PSD3: variants seen among roughly 807,000 people sequenced by gnomAD.
PSD3 encodes the protein PH and SEC7 domain-containing protein 3.
PSD3 carries 49 observed loss-of-function variants against 105.5 expected under a neutral mutation model. The observed-to-expected ratio is 0.46, with a 90% CI of 0.37 to 0.59. The LOEUF (loss-of-function observed/expected upper bound fraction) is 0.59. PSD3 is among the 20% of genes least tolerant of loss of function. The probability of loss-of-function intolerance (pLI) is 0.00; values close to 1 mark genes in which losing one functional copy is unlikely to be tolerated. For missense variants in PSD3, 1,561 were observed against 1,263.8 expected (o/e 1.24, Z -3.57); for synonymous variants, 557 against 457.8 (o/e 1.22, Z -2.77).
intron 1 of PSD3, among the ~76,000 whole-genome samples, chr8:19,027,187 A>G (rs551865067): frequency 6.6e-6 from 1 of 152,116 alleles, no homozygotes; most frequent in African/African-American, 2.4e-5. Flanking sequence ...AAAGACTCTC[A>G]TTCTGTCAGA....
At chr8:19,011,622 G>C (rs1031480056) in intron 1 of PSD3, among the ~76,000 whole-genome samples, 3 of 152,098 alleles carry the variant, frequency 2.0e-5, no homozygotes, top group African/African-American at 7.2e-5. Flanking sequence ...ACTAGTATCT[G>C]ATTAAAAGCA....
chr8:18,836,061 G>A (rs899470923), intron 4 of PSD3, among the ~76,000 whole-genome samples: 2 of 152,172 alleles, frequency 1.3e-5, no homozygotes, highest in Non-Finnish European at 2.9e-5. Context: ...ACACAGTTGA[G>A]ATATGAATGT....
intron 1 of PSD3, among the ~76,000 whole-genome samples, chr8:18,956,602 T>G (rs1481497249): frequency 6.6e-6 from 1 of 152,214 alleles, no homozygotes; most frequent in Non-Finnish European, 1.5e-5. Context: ...AATAAAAATC[T>G]TTATATACAT....
intron 14 of PSD3, 108 bp downstream of exon 14, chr8:18,572,420 G>C (rs756789209): frequency 1.5e-6 from 2 of 1,352,008 alleles, no homozygotes; most frequent in Non-Finnish European, 2.1e-6. Flanking sequence ...ACAGGGCAAG[G>C]TCTCACACCT....
At chr8:19,001,860 C>T (rs995929343) in intron 1 of PSD3, 23 of 172,362 alleles carry the variant, frequency 1.3e-4, no homozygotes, top group Middle Eastern at 1.1e-3. Context: ...GTACTTCCTG[C>T]GGTGTCCCCA....
Position 18,600,419 on chromosome 8 carries a change from C to T in PSD3, c.2426G>A (p.Arg809Gln), listed in dbSNP as rs1325802986. 2.5e-6 allele frequency: 4 copies of T among 1,603,756 alleles called. No individual in the cohort carries two copies. Among genetic ancestry groups the T allele is most frequent in the Non-Finnish European group, 1.7e-6 (2 of 1,177,272 alleles). ...TACAGCATAAAAGGTTTTCCATCCT[C>T]GTTTTCCTCTTGGAGCTAGAAAGGG... ...MDGKKTPRGK[R>Q]GWKTFYAVLK... The change falls in exon 12 of 16, where the codon CGA (arginine) becomes CAA (glutamine). Residue 809 changes from arginine to glutamine, a missense_variant. Coordinates refer to ENST00000327040, the MANE Select transcript of PSD3 (RefSeq NM_015310.4).
intron 2 of PSD3, among the ~76,000 whole-genome samples, chr8:18,889,586 C>T (rs748306254): frequency 6.6e-6 from 1 of 152,144 alleles, no homozygotes; most frequent in Non-Finnish European, 1.5e-5. Flanking sequence ...TCTGAAAAAA[C>T]AAACAAACAA....
intron 8 of PSD3, among the ~76,000 whole-genome samples, chr8:18,798,288 T>C (rs1057118437): frequency 6.6e-6 from 1 of 152,170 alleles, no homozygotes; most frequent in African/African-American, 2.4e-5. Flanking sequence ...ACCTCTTATA[T>C]ATGGCAAAAG....
chr8:18,970,324 C>CAAAAAAAAAAAAAA (rs11450922), intron 1 of PSD3, among the ~76,000 whole-genome samples: 9 of 45,308 alleles, frequency 2.0e-4, no homozygotes, highest in East Asian at 7.6e-4. Context: ...GACTCTGCCT[C>CAAAAAAAAAAAAAA]AAAAAAAAAA....
At chr8:18,775,094 G>A (rs1807919912) in intron 8 of PSD3, among the ~76,000 whole-genome samples, 1 of 152,048 alleles carries the variant, frequency 6.6e-6, no homozygotes, top group African/African-American at 2.4e-5. Context: ...CCCCAAGTTT[G>A]AGAAAGAACA....
At chr8:18,798,042 C>G (rs997567665) in intron 8 of PSD3, among the ~76,000 whole-genome samples, 1 of 152,106 alleles carries the variant, frequency 6.6e-6, no homozygotes, top group Non-Finnish European at 1.5e-5. Flanking sequence ...TGGCCAGTAA[C>G]ACGAAAAAAG....
At chr8:18,752,492 AAT>A (rs1554489379) in intron 9 of PSD3, among the ~76,000 whole-genome samples, 2 of 17,802 alleles carry the variant, frequency 1.1e-4, no homozygotes, top group African/African-American at 2.9e-4. Flanking sequence ...TTATATATAT[AAT>A]ATATATAATA....
At chr8:19,029,526 A>C (rs78151799) in intron 1 of PSD3, among the ~76,000 whole-genome samples, 3 of 152,288 alleles carry the variant, frequency 2.0e-5, no homozygotes, top group Admixed American at 2.0e-4. Context: ...GTCCTTCTTC[A>C]TATGATGACA....
intron 1 of PSD3, among the ~76,000 whole-genome samples, chr8:19,072,245 G>A (rs1829295738): frequency 6.6e-6 from 1 of 151,588 alleles, no homozygotes; most frequent in South Asian, 2.1e-4. Flanking sequence ...TGGGTTACAG[G>A]TGCCCGCCAC....
At chr8:18,790,553 T>G (rs550541735) in intron 8 of PSD3, among the ~76,000 whole-genome samples, 4 of 152,074 alleles carry the variant, frequency 2.6e-5, no homozygotes, top group African/African-American at 9.7e-5. Flanking sequence ...CTGCCCACCT[T>G]GGCCTCCCAA....
At chr8:18,721,808 TAGTA>T (rs747084177) in intron 9 of PSD3, among the ~76,000 whole-genome samples, 9 of 152,254 alleles carry the variant, frequency 5.9e-5, no homozygotes, top group South Asian at 4.1e-4. Flanking sequence ...TAAAGAATCA[TAGTA>T]AGTATTTATT....
chr8:18,755,648 CCACT>C (rs1416305455), intron 9 of PSD3, among the ~76,000 whole-genome samples: 2 of 152,122 alleles, frequency 1.3e-5, no homozygotes, highest in Non-Finnish European at 2.9e-5. Flanking sequence ...ACAACCACCA[CCACT>C]CAAACTTTTT....
intron 11 of PSD3, among the ~76,000 whole-genome samples, chr8:18,630,724 G>A (rs1191926221): frequency 6.6e-6 from 1 of 151,358 alleles, no homozygotes; most frequent in East Asian, 1.9e-4. Flanking sequence ...CCATATCTGT[G>A]GGTTCTGCAA....
At chr8:18,593,947 G>C (rs1180736485) in intron 12 of PSD3, among the ~76,000 whole-genome samples, 1 of 118,058 alleles carries the variant, frequency 8.5e-6, no homozygotes, top group Non-Finnish European at 1.7e-5. Context: ...ACACAGGAAG[G>C]GGAACATCAC....
Sources: allele counts gnomAD v4.1 joint callset (sites outside exome capture counted in the v4.1 genomes callset), GRCh38; gene constraint gnomAD v4.1.1; transcripts MANE v1.5; gene names NCBI Gene and HGNC (gene_info 2026-07-23, HGNC 2026-07-21).